Variants in ANK3 observed in about 807,000 individuals in gnomAD.
ANK3 encodes the protein ankyrin 3, also known as ankyrin-3.
Under a neutral mutation model 370.9 loss-of-function variants are expected in ANK3, and 57 were observed. The observed-to-expected ratio is 0.15, with a 90% CI of 0.12 to 0.19. The LOEUF (loss-of-function observed/expected upper bound fraction) is 0.19. ANK3 is among the 10% of genes least tolerant of loss of function. ANK3 has a pLI of 1.00. For synonymous variants in ANK3, 1,929 were observed against 1,946.3 expected (o/e 0.99, Z 0.23); for missense variants, 4,439 against 5,302.1 (o/e 0.84, Z 5.06).
intron 2 of ANK3, among the ~76,000 whole-genome samples, chr10:60,486,162 G>T (rs76390761): frequency 6.6e-6 from 1 of 152,158 alleles, no homozygotes; most frequent in Non-Finnish European, 1.5e-5. Flanking sequence ...GTACAAATAC[G>T]TGCAATGAGA....
intron 2 of ANK3, among the ~76,000 whole-genome samples, chr10:60,566,460 G>A (rs2077464016): frequency 6.6e-6 from 1 of 152,162 alleles, no homozygotes; most frequent in African/African-American, 2.4e-5. Flanking sequence ...AATTATGAAT[G>A]CAAAAAGCAA....
chr10:60,152,701 G>A (rs1342647277), intron 23 of ANK3, among the ~76,000 whole-genome samples: 1 of 152,092 alleles, frequency 6.6e-6, no homozygotes, highest in African/African-American at 2.4e-5. Context: ...CCACACAGAT[G>A]AGAATATAAA....
chr10:60,678,204 A>T (rs2079151292), intron 1 of ANK3, among the ~76,000 whole-genome samples: 1 of 152,252 alleles, frequency 6.6e-6, no homozygotes, highest in Non-Finnish European at 1.5e-5. Context: ...TTTAAAATTT[A>T]TTAAGGTTGC....
intron 1 of ANK3, among the ~76,000 whole-genome samples, chr10:60,324,544 C>T: frequency 6.6e-6 from 1 of 152,166 alleles, no homozygotes; most frequent in Admixed American, 6.5e-5. Context: ...TGTTCTCAGT[C>T]TCCCTATCTC....
chr10:60,615,126 A>G (rs889152422), intron 2 of ANK3: 1 of 1,124,548 alleles, frequency 8.9e-7, no homozygotes, highest in Admixed American at 3.0e-5. Flanking sequence ...TATAATTGTA[A>G]GAAGAAACTT....
chr10:60,667,999 G>GT (rs36052558), intron 1 of ANK3, among the ~76,000 whole-genome samples: 100,661 of 151,012 alleles, frequency 0.67, 34,381 homozygotes, highest in South Asian at 0.83. Context: ...CTAGATTAGG[G>GT]TTTTAAAAAA....
At chr10:60,565,366 G>C (rs1379515226) in intron 2 of ANK3, among the ~76,000 whole-genome samples, 1 of 152,176 alleles carries the variant, frequency 6.6e-6, no homozygotes, top group Non-Finnish European at 1.5e-5. Flanking sequence ...TCTGACAGGA[G>C]GTGAAGCTGA....
chr10:60,372,242 C>G (rs1044841365), intron 1 of ANK3, among the ~76,000 whole-genome samples: 2 of 152,196 alleles, frequency 1.3e-5, no homozygotes, highest in Non-Finnish European at 2.9e-5. Flanking sequence ...ACTGCCTTCT[C>G]CCCAAAACAA....
chr10:60,271,622 T>A (rs1027696301), intron 4 of ANK3, among the ~76,000 whole-genome samples: 26 of 152,170 alleles, frequency 1.7e-4, no homozygotes, highest in African/African-American at 6.3e-4. Context: ...TATTCTAAAC[T>A]ACAATGTTAC....
chr10:60,046,701 A>G (rs760341005), intron 42 of ANK3, among the ~76,000 whole-genome samples: 14 of 152,114 alleles, frequency 9.2e-5, no homozygotes, highest in Non-Finnish European at 1.5e-4. Flanking sequence ...CATAAAATAC[A>G]TTTTTAAAAA....
At chr10:60,396,131 C>A (rs919904643) in intron 2 of ANK3, among the ~76,000 whole-genome samples, 1 of 152,074 alleles carries the variant, frequency 6.6e-6, no homozygotes, top group African/African-American at 2.4e-5. Flanking sequence ...AGCTTCAATT[C>A]TTGAATATCG....
rs139794095 is a variant in ANK3, at chr10:60,494,868, A to T, written c.96+120318T>A. 3.0e-3 allele frequency among the ~76,000 whole-genome samples: 453 copies of T among 152,332 alleles called. 1 individual carries two copies. The highest frequency in any genetic ancestry group is 0.01 in the African/African-American group (418 of 41,588). On this transcript the variant is annotated intron_variant, in intron 2 of 43. Transcript: ENST00000373827. The stretch of plus-strand genomic sequence containing the variant: ...AATATATACTTATAGATACAGCATA[A>T]TGCAAATGATTTGTTTCACCATTCT...
chr10:60,228,529 C>T (rs2097197215), intron 8 of ANK3, among the ~76,000 whole-genome samples: 1 of 108,338 alleles, frequency 9.2e-6, no homozygotes, highest in Non-Finnish European at 1.9e-5. Flanking sequence ...GAGACTGTGT[C>T]TCCAAAAAAA....
intron 1 of ANK3, among the ~76,000 whole-genome samples, chr10:60,367,455 G>A (rs376221064): frequency 6.6e-6 from 1 of 152,184 alleles, no homozygotes; most frequent in Non-Finnish European, 1.5e-5. Flanking sequence ...ATTAGAGAAA[G>A]AAAGAAATGA....
chr10:60,042,848 G>A (rs2131867334), intron 42 of ANK3, 89 bp from the exon 43 acceptor site: 1 of 1,577,494 alleles, frequency 6.3e-7, no homozygotes, highest in East Asian at 2.3e-5. Flanking sequence ...GCTGGATTAG[G>A]ACAAGCGAAA....
At chr10:60,037,646 G>A (rs2075330949) in intron 43 of ANK3, among the ~76,000 whole-genome samples, 1 of 152,090 alleles carries the variant, frequency 6.6e-6, no homozygotes, top group Non-Finnish European at 1.5e-5. Context: ...TACCTGCATA[G>A]TATTCCATGG....
At chr10:60,145,902 A>G (rs2094796066) in intron 23 of ANK3, 3 of 702,008 alleles carry the variant, frequency 4.3e-6, no homozygotes, top group African/African-American at 3.5e-5. Context: ...GGAATGAATG[A>G]AAGAGCAGTG....
chr10:60,127,563 A>G (rs1025297188), intron 25 of ANK3, among the ~76,000 whole-genome samples: 1 of 152,232 alleles, frequency 6.6e-6, no homozygotes, highest in Non-Finnish European at 1.5e-5. Context: ...TGTCATTTAA[A>G]GGAAGATAAA....
chr10:60,043,291 G>A (rs2076424306), intron 42 of ANK3: 1 of 985,456 alleles, frequency 1.0e-6, no homozygotes, highest in Non-Finnish European at 1.2e-6. Flanking sequence ...GAGCAAGGTT[G>A]TGGCACAAAT....
Sources: allele counts gnomAD v4.1 joint callset (sites outside exome capture counted in the v4.1 genomes callset), GRCh38; gene constraint gnomAD v4.1.1; transcripts MANE v1.5; gene names NCBI Gene and HGNC (gene_info 2026-07-23, HGNC 2026-07-21).